The following SHISA6 variants were observed in gnomAD, a reference collection of about 807,000 sequenced individuals.
SHISA6 encodes protein shisa-6.
SHISA6 carries 22 observed loss-of-function variants against 47.9 expected under a neutral mutation model. That is an observed-to-expected ratio of 0.46 (90% CI 0.33 to 0.66). The LOEUF is 0.66. SHISA6 is among the 30% of genes least tolerant of loss of function. SHISA6 has a pLI of 0.02. For synonymous variants in SHISA6, 388 were observed against 337.8 expected (o/e 1.15, Z -1.63); for missense variants, 680 against 764.6 (o/e 0.89, Z 1.30).
intron 3 of SHISA6, among the ~76,000 whole-genome samples, chr17:11,442,837 G>A (rs535193458): frequency 3.9e-5 from 6 of 152,170 alleles, no homozygotes; most frequent in Non-Finnish European, 8.8e-5. Context: ...GTGGGACTGG[G>A]CTGGCCTTGG....
Position 11,559,718 on chromosome 17 carries a change from C to G in SHISA6, c.*1414C>G, listed in dbSNP as rs1232669844. ...TCCCTTTGTGCAGGCACTGGGGTAC[C>G]TGGTAGACCATGGTCCTCAGCTCTG... On this transcript the variant is annotated 3_prime_UTR_variant, in exon 6 of 6. Transcript: ENST00000441885. This position sits in a 1 kb window ranked among gnomAD's most constrained non-coding sequence, Gnocchi z 4.4. 1 of 152,334 alleles carries G rather than the reference C, an allele frequency of 6.6e-6. No individual in the cohort carries two copies. The highest frequency in any genetic ancestry group is 1.5e-5 in the Non-Finnish European group (1 of 68,156). The allele number at this position is 152,334 out of a possible 1,614,324, so 9.4% of individuals were successfully genotyped here.
chr17:11,560,086 G>C lies in SHISA6; in HGVS notation c.*1782G>C, dbSNP rs964272000. 4 of 152,192 alleles carry C rather than the reference G, an allele frequency of 2.6e-5. No homozygotes were observed. Among genetic ancestry groups the C allele is most frequent in the Admixed American group, 2.6e-4 (4 of 15,284 alleles). The allele number at this position is 152,192 out of a possible 1,614,324, so 9.4% of individuals were successfully genotyped here. A position where few individuals can be genotyped will look rare whatever the true frequency, so the allele number is the denominator to read the frequency against. On this transcript the variant is annotated 3_prime_UTR_variant, in exon 6 of 6. Transcript: ENST00000441885. Reference sequence around the variant, plus strand: ...GCGAGTGTAGAAGGAGAATTTATTGGTGTCAGCCCTGGAGATTTTTAATCT... The same window carrying C: ...GCGAGTGTAGAAGGAGAATTTATTGCTGTCAGCCCTGGAGATTTTTAATCT...
intron 4 of SHISA6, among the ~76,000 whole-genome samples, chr17:11,553,866 G>A (rs371528664): frequency 2.8e-4 from 43 of 152,308 alleles, no homozygotes; most frequent in Admixed American, 2.5e-3. Flanking sequence ...AGATATTGTC[G>A]TTGGCTAAAA....
At chr17:11,382,534 A>G (rs1913046362) in intron 3 of SHISA6, among the ~76,000 whole-genome samples, 1 of 152,254 alleles carries the variant, frequency 6.6e-6, no homozygotes, top group Non-Finnish European at 1.5e-5. Context: ...TATCCCATGG[A>G]AGGGAACAAT....
At chr17:11,305,643 G>C (rs894018945) in intron 2 of SHISA6, among the ~76,000 whole-genome samples, 3 of 152,220 alleles carry the variant, frequency 2.0e-5, no homozygotes, top group African/African-American at 7.2e-5. Context: ...TGGTGTTGCG[G>C]GTGGCTCTGC....
chr17:11,241,491 C>A lies in SHISA6; in HGVS notation c.69C>A (p.Val23=). The change falls in exon 1 of 6, where the codon GTC becomes GTA. Residue 23 remains valine, a synonymous_variant. Coordinates refer to ENST00000441885, the MANE Select transcript of SHISA6 (RefSeq NM_207386.4). The surrounding 1 kb of genome is among the most constrained non-coding windows in gnomAD (Gnocchi z 5.5). ...AGTCCCTGGACCTGCTGCCCAGCGT[C>A]CACGGAGCCCGCGGCCGCGCCGCCA... The part of the protein sequence containing the change: ...SLESLDLLPS[V]HGARGRAANR... 1 of 1,170,074 alleles carries A rather than the reference C, an allele frequency of 8.5e-7. No individual in the cohort carries two copies. Among genetic ancestry groups the A allele is most frequent in the South Asian group, 2.1e-5 (1 of 47,748 alleles). 72.5% of individuals were successfully genotyped at this position (1,170,074 alleles called of 1,614,324 possible). A position where few individuals can be genotyped will look rare whatever the true frequency, so the allele number is the denominator to read the frequency against.
intron 3 of SHISA6, among the ~76,000 whole-genome samples, chr17:11,415,135 CATAAG>C (rs1299272806): frequency 3.3e-5 from 5 of 151,530 alleles, no homozygotes; most frequent in Non-Finnish European, 7.4e-5. Flanking sequence ...ATCCAAAGTT[CATAAG>C]ATAATAGGGA....
chr17:11,277,317 CA>C (rs1430558533), intron 2 of SHISA6, among the ~76,000 whole-genome samples: 15 of 149,196 alleles, frequency 1.0e-4, no homozygotes, highest in African/African-American at 1.8e-4. Context: ...CACACACACA[CA>C]CCCCGCATGT....
intron 3 of SHISA6, among the ~76,000 whole-genome samples, chr17:11,501,633 A>G (rs1896702808): frequency 6.6e-6 from 1 of 152,102 alleles, no homozygotes; most frequent in South Asian, 2.1e-4. Context: ...GAGAAAAGAC[A>G]TGGAGCGATG....
intron 2 of SHISA6, among the ~76,000 whole-genome samples, chr17:11,374,792 G>A (rs912186254): frequency 2.0e-5 from 3 of 151,740 alleles, no homozygotes; most frequent in Non-Finnish European, 4.4e-5. Flanking sequence ...AGTAATACTA[G>A]TACTACTGTT....
chr17:11,458,213 T>A (rs777194105), intron 3 of SHISA6, among the ~76,000 whole-genome samples: 3 of 152,124 alleles, frequency 2.0e-5, no homozygotes, highest in African/African-American at 7.2e-5. Flanking sequence ...TGGGTGATAA[T>A]GCAACTTCTT....
chr17:11,379,052 T>C (rs1912915218), intron 2 of SHISA6, among the ~76,000 whole-genome samples: 2 of 151,520 alleles, frequency 1.3e-5, no homozygotes, highest in South Asian at 4.2e-4. Flanking sequence ...TTCAATGTAA[T>C]GTAATGTTCC....
chr17:11,292,981 C>G (rs1472107964), intron 2 of SHISA6, among the ~76,000 whole-genome samples: 1 of 151,980 alleles, frequency 6.6e-6, no homozygotes, highest in Non-Finnish European at 1.5e-5. Flanking sequence ...CCCACCGCCA[C>G]ACCTGGCTAA....
At chr17:11,324,712 T>C (rs539012110) in intron 2 of SHISA6, among the ~76,000 whole-genome samples, 1 of 152,288 alleles carries the variant, frequency 6.6e-6, no homozygotes, top group South Asian at 2.1e-4. Context: ...CTGGAGAATC[T>C]GGAACTATAT....
chr17:11,242,429 C>G (rs1907404400), intron 1 of SHISA6, among the ~76,000 whole-genome samples: 1 of 152,146 alleles, frequency 6.6e-6, no homozygotes, highest in South Asian at 2.1e-4. Flanking sequence ...TTTTTTGAGT[C>G]AAATCAGAGT....
At chr17:11,244,604 G>T (rs1190038588) in intron 1 of SHISA6, among the ~76,000 whole-genome samples, 3 of 152,216 alleles carry the variant, frequency 2.0e-5, no homozygotes, top group South Asian at 2.1e-4. Context: ...AGACTGTCTT[G>T]TTGGGCAATC....
chr17:11,361,972 A>G (rs774606286), intron 2 of SHISA6, among the ~76,000 whole-genome samples: 1 of 152,148 alleles, frequency 6.6e-6, no homozygotes, highest in Non-Finnish European at 1.5e-5. Context: ...TCTCTGTTTC[A>G]TGGAGGGAAC....
At chr17:11,401,177 C>T (rs956023040) in intron 3 of SHISA6, among the ~76,000 whole-genome samples, 10 of 152,074 alleles carry the variant, frequency 6.6e-5, no homozygotes, top group Admixed American at 4.6e-4. Context: ...GGCCTTATTC[C>T]AGATATGTAA....
intron 1 of SHISA6, among the ~76,000 whole-genome samples, chr17:11,260,442 CTGT>C (rs1908186781): frequency 1.3e-5 from 2 of 152,054 alleles, no homozygotes; most frequent in Non-Finnish European, 2.9e-5. Context: ...TGCTGACAGC[CTGT>C]CGTGTCCCGA....
Sources: allele counts gnomAD v4.1 joint callset (sites outside exome capture counted in the v4.1 genomes callset), GRCh38; gene constraint gnomAD v4.1.1; non-coding constraint Gnocchi (gnomAD v3.1); transcripts MANE v1.5; gene names NCBI Gene and HGNC (gene_info 2026-07-23, HGNC 2026-07-21).